Variants in DOCK1 observed in about 807,000 individuals in gnomAD.
The protein encoded by DOCK1 is dedicator of cytokinesis 1.
Under a neutral mutation model 262.7 loss-of-function variants are expected in DOCK1, and 138 were observed. That is an observed-to-expected ratio of 0.53 (90% CI 0.46 to 0.61). The LOEUF (loss-of-function observed/expected upper bound fraction) is 0.61. DOCK1 is among the 20% of genes least tolerant of loss of function. The pLI is 0.00. For missense variants in DOCK1, 1,908 were observed against 2,370.7 expected (o/e 0.80, Z 4.05); for synonymous variants, 866 against 867.4 (o/e 1.00, Z 0.03).
At chr10:127,107,112 G>A (rs910343054) in intron 24 of DOCK1, among the ~76,000 whole-genome samples, 2 of 151,946 alleles carry the variant, frequency 1.3e-5, no homozygotes, top group East Asian at 1.9e-4. Flanking sequence ...GTGCGCCACC[G>A]CTCCCACCCC....
chr10:127,165,246 G>A lies in DOCK1; in HGVS notation c.2847+37482G>A, dbSNP rs535122409. ...CTTTTGATGTGTGTTTTTAGATCAA[G>A]CTTAGTTAGCAATTTTTAATGAGAA... On this transcript the variant is annotated intron_variant, in intron 27 of 51. Coordinates refer to ENST00000623213, the MANE Select transcript of DOCK1 (RefSeq NM_001290223.2). Among the ~76,000 whole-genome samples the A allele has an allele frequency of 8.2e-4, 125 of 152,264 alleles. 1 individual carries two copies. The highest frequency in any genetic ancestry group is 5.6e-3 in the South Asian group (27 of 4,818).
At chr10:127,093,223 C>CTTTTCT (rs71276669) in intron 23 of DOCK1, among the ~76,000 whole-genome samples, 7 of 94,432 alleles carry the variant, frequency 7.4e-5, no homozygotes, top group Non-Finnish European at 1.1e-4. Context: ...TCTTTCTTTT[C>CTTTTCT]TTTCTTTCTT....
At chr10:126,969,509 G>T (rs1185847031) in intron 1 of DOCK1, among the ~76,000 whole-genome samples, 1 of 152,182 alleles carries the variant, frequency 6.6e-6, no homozygotes, top group African/African-American at 2.4e-5. Flanking sequence ...TTTAGTTGGG[G>T]ATGTCTTAAC....
intron 38 of DOCK1, among the ~76,000 whole-genome samples, chr10:127,401,616 CT>C (rs2067229962): frequency 1.3e-5 from 2 of 152,168 alleles, no homozygotes; most frequent in South Asian, 4.1e-4. Context: ...ACTCACCCAG[CT>C]CCTGAGATCT....
chr10:127,118,541 C>T (rs183662576), intron 25 of DOCK1, among the ~76,000 whole-genome samples: 77 of 152,298 alleles, frequency 5.1e-4, no homozygotes, highest in African/African-American at 1.8e-3. Context: ...TGCCGATGTC[C>T]AGAAAACATA....
At chr10:127,038,197 C>T (rs559744644) in intron 19 of DOCK1, among the ~76,000 whole-genome samples, 1 of 152,236 alleles carries the variant, frequency 6.6e-6, no homozygotes, top group Admixed American at 6.5e-5. Flanking sequence ...CGCACCATTG[C>T]ACTCCAGCCT....
In DOCK1 at chr10:127,018,819, G is replaced by T; in HGVS notation, c.1311G>T (p.Pro437=). 1 of 1,613,858 alleles carries T rather than the reference G, an allele frequency of 6.2e-7. No individual in the cohort carries two copies. The highest frequency in any genetic ancestry group is 8.5e-7 in the Non-Finnish European group (1 of 1,179,824). ...CTGTGGCTCGAAAAACAGGGTTTCC[G>T]GAGATAATCATGCCTGGTAAGAACT... ...TTAVARKTGF[P]EIIMPGDVRN... Residue 437 remains proline, a synonymous_variant, in exon 13 of 52, where the codon CCG becomes CCT. Coordinates refer to ENST00000623213, the MANE Select transcript of DOCK1 (RefSeq NM_001290223.2).
At chr10:127,293,539 T>C (rs925348311) in intron 29 of DOCK1, among the ~76,000 whole-genome samples, 3 of 152,160 alleles carry the variant, frequency 2.0e-5, no homozygotes, top group African/African-American at 7.2e-5. Flanking sequence ...GGCTTTGCCA[T>C]TGAGGTGGAT....
chr10:127,063,992 C>T (rs989944098), intron 23 of DOCK1, among the ~76,000 whole-genome samples: 4 of 152,194 alleles, frequency 2.6e-5, no homozygotes, highest in African/African-American at 7.2e-5. Flanking sequence ...GGTGCTTTCT[C>T]GATGACGTTG....
At chr10:127,402,934 C>A in intron 38 of DOCK1, 121 bp from the exon 39 acceptor site, 1 of 957,026 alleles carries the variant, frequency 1.0e-6, no homozygotes, top group East Asian at 2.6e-5. Context: ...GGTGTTATTC[C>A]CATAATGTTT....
At chr10:127,124,988 G>A (rs1225064088) in intron 25 of DOCK1, among the ~76,000 whole-genome samples, 1 of 152,110 alleles carries the variant, frequency 6.6e-6, no homozygotes, top group Admixed American at 6.5e-5. Context: ...GTGGTGGCAG[G>A]CACCTGTAGT....
At chr10:127,346,145 G>A (rs539499783) in intron 31 of DOCK1, among the ~76,000 whole-genome samples, 4 of 152,310 alleles carry the variant, frequency 2.6e-5, no homozygotes, top group South Asian at 4.1e-4. Flanking sequence ...AGATGCCTGC[G>A]GGAGAAGAGA....
At chr10:127,408,943 AC>A (rs1488239856) in intron 40 of DOCK1, 93 bp from the exon 41 acceptor site, 1 of 1,420,764 alleles carries the variant, frequency 7.0e-7, no homozygotes, top group African/African-American at 1.4e-5. Context: ...TTTTGTAAGA[AC>A]CCGTAAGGCA....
At chr10:127,346,228 G>C (rs908249512) in intron 31 of DOCK1, among the ~76,000 whole-genome samples, 3 of 152,220 alleles carry the variant, frequency 2.0e-5, no homozygotes, top group African/African-American at 7.2e-5. Flanking sequence ...CACCCCGCAA[G>C]CCCCAGCAGG....
intron 27 of DOCK1, among the ~76,000 whole-genome samples, chr10:127,133,654 G>A (rs1178401652): frequency 6.6e-6 from 1 of 152,168 alleles, no homozygotes; most frequent in African/African-American, 2.4e-5. Flanking sequence ...ATTGTTGAAT[G>A]GGCACAATAT....
At chr10:127,365,171 A>G (rs2064835618) in intron 33 of DOCK1, among the ~76,000 whole-genome samples, 1 of 152,214 alleles carries the variant, frequency 6.6e-6, no homozygotes, top group Non-Finnish European at 1.5e-5. Context: ...TCGCCTATAA[A>G]TGGGCATGTA....
chr10:127,314,344 G>A lies in DOCK1; in HGVS notation c.3045-24662G>A, dbSNP rs1232910028. Among the ~76,000 whole-genome samples the A allele has an allele frequency of 2.0e-5, 3 of 152,198 alleles. No homozygotes were observed. The East Asian group carries it at 5.8e-4, about 29-fold the overall frequency. The stretch of plus-strand genomic sequence containing the variant: ...GAAGAAGGGGAAAATGAATCATAAA[G>A]GACTACCTGGAGACCAGTAGTGGCT... On this transcript the variant is annotated intron_variant, in intron 29 of 51. Coordinates refer to ENST00000623213, the MANE Select transcript of DOCK1 (RefSeq NM_001290223.2).
At position 127,112,418 on chromosome 10, in the gene DOCK1, T is replaced by G. The variant is rs532859467; in HGVS notation, c.2623+2064T>G. Among the ~76,000 whole-genome samples the G allele has an allele frequency of 1.4e-3, 207 of 152,362 alleles. 1 individual carries two copies. The highest frequency in any genetic ancestry group is 4.8e-3 in the African/African-American group (198 of 41,582). On this transcript the variant is annotated intron_variant, in intron 25 of 51. Coordinates refer to ENST00000623213, the MANE Select transcript of DOCK1 (RefSeq NM_001290223.2). Reference sequence around the variant, plus strand: ...ATGATTTTGTTAGCTTAGGTGTTTGTAATTGTGTTCTGTCCCTCTTTCCTA... The same window carrying G: ...ATGATTTTGTTAGCTTAGGTGTTTGGAATTGTGTTCTGTCCCTCTTTCCTA...
At chr10:127,362,968 TACAC>T in intron 33 of DOCK1, among the ~76,000 whole-genome samples, 1 of 3,732 alleles carries the variant, frequency 2.7e-4, no homozygotes, top group Non-Finnish European at 5.3e-4. Flanking sequence ...CATCCCCACA[TACAC>T]ATACACATAC....
Sources: allele counts gnomAD v4.1 joint callset (sites outside exome capture counted in the v4.1 genomes callset), GRCh38; gene constraint gnomAD v4.1.1; transcripts MANE v1.5; gene names NCBI Gene and HGNC (gene_info 2026-07-23, HGNC 2026-07-21).